The following ATP6V0A2 variants were observed in gnomAD, a reference collection of about 807,000 sequenced individuals.
ATP6V0A2 encodes the protein V-type proton ATPase 116 kDa subunit a 2.
In ATP6V0A2, 58 loss-of-function variants were observed where a neutral mutation model predicts 104.4. The ratio of observed to expected loss-of-function variants is 0.56; its 90% CI spans 0.45 to 0.69. The LOEUF is 0.69. ATP6V0A2 is among the 30% of genes least tolerant of loss of function. The probability of loss-of-function intolerance (pLI) is 0.00; values close to 1 mark genes in which losing one functional copy is unlikely to be tolerated. For synonymous variants in ATP6V0A2, 376 were observed against 397.9 expected (o/e 0.95, Z 0.65); for missense variants, 938 against 1,062.9 (o/e 0.88, Z 1.63).
rs1240624917 is a variant in ATP6V0A2 at position 123,760,404 on chromosome 12, C to T, written c.*2372C>T. 1 of 152,154 alleles carries T rather than the reference C, an allele frequency of 6.6e-6. No individual in the cohort carries two copies. The highest frequency in any genetic ancestry group is 1.5e-5 in the Non-Finnish European group (1 of 68,038). 9.4% of individuals were successfully genotyped at this position (152,154 alleles called of 1,614,324 possible). On this transcript the variant is annotated 3_prime_UTR_variant, in exon 20 of 20. Coordinates refer to ENST00000330342, the MANE Select transcript of ATP6V0A2 (RefSeq NM_012463.4). ...ATAGGGGCCACGGGAATTTGTTTCT[C>T]TATAAAGCGATGGGCTCCAGTGTCA...
rs1956432284 is a variant in ATP6V0A2 at position 123,724,737 on chromosome 12, A to G, written c.378A>G (p.Ile126Met). The change falls in exon 4 of 20, where the codon ATA (isoleucine) becomes ATG (methionine). Residue 126 changes from isoleucine to methionine, a missense_variant. Coordinates refer to ENST00000330342, the MANE Select transcript of ATP6V0A2 (RefSeq NM_012463.4). ...EKLRKNLLEL[I>M]EYTHMLRVTK... Reference sequence around the variant, plus strand: ...TGAGGAAAAACTTGCTGGAACTGATAGAGTACACTCACATGCTGAGAGTGA... The same window carrying G: ...TGAGGAAAAACTTGCTGGAACTGATGGAGTACACTCACATGCTGAGAGTGA... The G allele has an allele frequency of 6.2e-7, 1 of 1,613,824 alleles. No individual in the cohort carries two copies. The highest frequency in any genetic ancestry group is 1.3e-5 in the African/African-American group (1 of 75,020).
At position 123,744,942 on chromosome 12, in the gene ATP6V0A2, C is replaced by T. The variant is rs1292390548; in HGVS notation, c.1575C>T (p.Phe525=). The change falls in exon 13 of 20, where the codon TTC becomes TTT. Residue 525 remains phenylalanine, a synonymous_variant. Transcript: ENST00000330342. The surrounding 1 kb of genome is among the most constrained non-coding windows in gnomAD (Gnocchi z 5.4). ...LQLDPSIPGV[F]RGPYPLGIDP... ...TGGATCCAAGCATTCCTGGAGTGTT[C>T]CGAGGCCCTTATCCCCTTGGCATTG... 3.1e-6 allele frequency: 5 copies of T among 1,614,222 alleles called. No homozygotes were observed. The highest frequency in any genetic ancestry group is 4.2e-6 in the Non-Finnish European group (5 of 1,180,032).
chr12:123,731,602 G>A (rs978851293), intron 6 of ATP6V0A2: 12 of 146,482 alleles, frequency 8.2e-5, no homozygotes, highest in Non-Finnish European at 1.4e-4. Flanking sequence ...GCCCAGCAAA[G>A]TGTTGGGATT....
chr12:123,736,252 G>A (rs113038752), intron 8 of ATP6V0A2, among the ~76,000 whole-genome samples: 2,914 of 133,516 alleles, frequency 0.022, 44 homozygotes, highest in African/African-American at 0.037. Context: ...GCAGTGGTGC[G>A]ATCATCTCAG....
intron 9 of ATP6V0A2, among the ~76,000 whole-genome samples, chr12:123,740,441 C>T (rs1329870249): frequency 6.6e-6 from 1 of 152,134 alleles, no homozygotes; most frequent in African/African-American, 2.4e-5. Context: ...GAACTCCTGA[C>T]CTCAAGTGAT....
intron 9 of ATP6V0A2, 164 bp downstream of exon 9, chr12:123,737,435 G>A: frequency 1.3e-6 from 1 of 774,108 alleles, no homozygotes; most frequent in South Asian, 1.6e-5. Flanking sequence ...TTAAAATAGA[G>A]ATGGGGTTTT....
intron 14 of ATP6V0A2, 151 bp downstream of exon 14, chr12:123,747,876 T>C: frequency 1.6e-6 from 1 of 641,470 alleles, no homozygotes; most frequent in Non-Finnish European, 2.7e-6. Flanking sequence ...TTAGATTTTC[T>C]GTGGTTTCAG....
chr12:123,717,446 CTTTT>C (rs58386561), intron 1 of ATP6V0A2, among the ~76,000 whole-genome samples: 1 of 140,936 alleles, frequency 7.1e-6, no homozygotes. Context: ...TTCTTTCTTT[CTTTT>C]TTTTTTTTTT....
chr12:123,736,439 G>A (rs774252786), intron 8 of ATP6V0A2, among the ~76,000 whole-genome samples: 1 of 151,308 alleles, frequency 6.6e-6, no homozygotes, highest in Non-Finnish European at 1.5e-5. Flanking sequence ...TGATCCACCC[G>A]CCTCGGCCTC....
chr12:123,746,816 C>T (rs1257527139), intron 13 of ATP6V0A2, among the ~76,000 whole-genome samples: 1 of 151,838 alleles, frequency 6.6e-6, no homozygotes, highest in African/African-American at 2.4e-5. Context: ...GCATGCTGGT[C>T]CAGCTACTCA....
intron 7 of ATP6V0A2, 52 bp from the exon 8 acceptor site, chr12:123,735,479 T>G: frequency 6.5e-7 from 1 of 1,538,378 alleles, no homozygotes; most frequent in Non-Finnish European, 9.0e-7. Flanking sequence ...GGTGAACGTG[T>G]TTAGTTCTAG....
Position 123,734,397 on chromosome 12 carries a change from G to A in ATP6V0A2, c.731+389G>A, listed in dbSNP as rs929746955. On this transcript the variant is annotated intron_variant, in intron 7 of 19. Transcript: ENST00000330342. ...GGGTACCCTGGGGCAGGGGTGTGGC[G>A]TGTGGTGAGGAGGAGGCGCTCAGGG... is the stretch of plus-strand genomic sequence containing the variant. 4.6e-5 allele frequency among the ~76,000 whole-genome samples: 7 copies of A among 152,186 alleles called. No homozygotes were observed. In the East Asian group the frequency reaches 7.7e-4, roughly 17 times the overall value.
chr12:123,735,143 G>A (rs1477477687), intron 7 of ATP6V0A2, among the ~76,000 whole-genome samples: 1 of 18,538 alleles, frequency 5.4e-5, no homozygotes, highest in African/African-American at 2.4e-4. Context: ...TTTTGTTTTC[G>A]TGTGTGTGTG....
At chr12:123,723,529 C>T (rs1265532928) in intron 3 of ATP6V0A2, 7 of 149,704 alleles carry the variant, frequency 4.7e-5, no homozygotes, top group African/African-American at 1.7e-4. Flanking sequence ...GGTGCGATCT[C>T]GGCTCACTGC....
At chr12:123,724,909 A>G in intron 4 of ATP6V0A2, 118 bp downstream of exon 4, 1 of 695,890 alleles carries the variant, frequency 1.4e-6, no homozygotes, top group South Asian at 2.3e-5. Flanking sequence ...GCTTCTTTTA[A>G]GAGATTAAAT....
At chr12:123,756,098 A>AAAC (rs1566294001) in intron 18 of ATP6V0A2, among the ~76,000 whole-genome samples, 1 of 144,372 alleles carries the variant, frequency 6.9e-6, no homozygotes. Flanking sequence ...AAAAAAAAAA[A>AAAC]ACCGAAAAAC....
Position 123,755,001 on chromosome 12 carries a change from C to G in ATP6V0A2, c.2293+464C>G, listed in dbSNP as rs577125111. Reference sequence around the variant, plus strand: ...ACAGGAGTCCTCCCTTTGCACAATTCCAGTAATGCACACATGTTAGTTTCC... The same window carrying G: ...ACAGGAGTCCTCCCTTTGCACAATTGCAGTAATGCACACATGTTAGTTTCC... On this transcript the variant is annotated intron_variant, in intron 18 of 19. Transcript: ENST00000330342. 2.5e-4 allele frequency among the ~76,000 whole-genome samples: 38 copies of G among 152,204 alleles called. 1 individual carries two copies. Among genetic ancestry groups the G allele is most frequent in the Non-Finnish European group, 2.8e-4 (19 of 68,038 alleles).
chr12:123,717,003 G>A (rs1956347229), intron 1 of ATP6V0A2, among the ~76,000 whole-genome samples: 2 of 152,056 alleles, frequency 1.3e-5, no homozygotes, highest in Admixed American at 1.3e-4. Flanking sequence ...CTTGTGTCTG[G>A]CTGCTTTCAC....
chr12:123,737,237 T>C lies in ATP6V0A2; in HGVS notation c.1004T>C (p.Leu335Pro), dbSNP rs1182703898. Residue 335 changes from leucine to proline, a missense_variant, in exon 9 of 20, where the codon CTG (leucine) becomes CCG (proline). Leu to Pro is a moderately conservative substitution (Grantham distance 98). Transcript: ENST00000330342. ...GAGGTCTGGTGTCCCGAGGCGGATC[T>C]GCAGGACCTGCGCCGGGCACTGGAG... Reference protein sequence around the residue: ...IAEVWCPEADLQDLRRALEEG... With the variant: ...IAEVWCPEADPQDLRRALEEG... 6.2e-7 allele frequency: 1 copy of C among 1,614,062 alleles called. No individual in the cohort carries two copies. Among genetic ancestry groups the C allele is most frequent in the East Asian group, 2.2e-5 (1 of 44,896 alleles).
Sources: allele counts gnomAD v4.1 joint callset (sites outside exome capture counted in the v4.1 genomes callset), GRCh38; gene constraint gnomAD v4.1.1; non-coding constraint Gnocchi (gnomAD v3.1); transcripts MANE v1.5; gene names NCBI Gene and HGNC (gene_info 2026-07-23, HGNC 2026-07-21).